Variants in PLB1 observed in about 807,000 individuals in gnomAD.
PLB1 encodes the protein phospholipase B1.
A neutral mutation model predicts 227.4 loss-of-function variants in PLB1; 242 were observed. The observed-to-expected ratio is 1.06, with a 90% CI of 0.96 to 1.18. The LOEUF is 1.18. Among genes scored for constraint, PLB1 ranks in the 50% most tolerant of loss-of-function variants. The pLI, the probability that PLB1 is intolerant of heterozygous loss-of-function variation, is 0.00. For missense variants in PLB1, 1,858 were observed against 1,816.3 expected, an observed-to-expected ratio of 1.02 and a Z score of -0.42; for synonymous variants, 757 against 682.2, an observed-to-expected ratio of 1.11 and a Z score of -1.71.
At chr2:28,605,725 G>T in intron 41 of PLB1, 128 bp from the exon 42 acceptor site, 2 of 699,054 alleles carry the variant, frequency 2.9e-6, no homozygotes, top group South Asian at 3.5e-5. Context: ...TGGGCCCTGT[G>T]GTGGCTGGTG....
rs185653797 is a variant in PLB1 at position 28,589,435 on chromosome 2, C to T, written c.1816-15C>T. On this transcript the variant is annotated splice_polypyrimidine_tract_variant and intron_variant, in intron 26 of 57. Transcript: ENST00000327757. ...GAGAGGACTGCCTGACATCTGTCCC[C>T]TTTTCCTCCTGCAGGAGAAGACCCA... The T allele has an allele frequency of 6.2e-7, 1 of 1,608,856 alleles. No homozygotes were observed. Among genetic ancestry groups the T allele is most frequent in the African/African-American group, 1.3e-5 (1 of 74,936 alleles).
intron 1 of PLB1, among the ~76,000 whole-genome samples, chr2:28,511,573 ATTGGTCT>A (rs1185149664): frequency 1.1e-4 from 16 of 152,162 alleles, no homozygotes; most frequent in Middle Eastern, 3.4e-3. Context: ...TGATCTTAAT[ATTGGTCT>A]CCTGTACTCG....
At chr2:28,622,953 C>T (rs560123863) in intron 49 of PLB1, among the ~76,000 whole-genome samples, 19 of 152,256 alleles carry the variant, frequency 1.2e-4, no homozygotes, top group African/African-American at 3.6e-4. Flanking sequence ...TCCCTGGCCA[C>T]GAAGAGCTTG....
At chr2:28,530,111 G>A (rs913144888) in intron 8 of PLB1, among the ~76,000 whole-genome samples, 7 of 151,980 alleles carry the variant, frequency 4.6e-5, no homozygotes, top group African/African-American at 1.5e-4. Context: ...TGCCCGCCTC[G>A]GCCTCCTAAA....
At chr2:28,577,285 C>T (rs965427783) in intron 21 of PLB1, among the ~76,000 whole-genome samples, 1 of 152,170 alleles carries the variant, frequency 6.6e-6, no homozygotes, top group African/African-American at 2.4e-5. Context: ...GTGATCTTGT[C>T]TCCATTTTGT....
At chr2:28,549,553 C>T (rs563238817) in intron 15 of PLB1, among the ~76,000 whole-genome samples, 5 of 151,266 alleles carry the variant, frequency 3.3e-5, no homozygotes, top group Admixed American at 3.3e-4. Context: ...GTGGCTGGGA[C>T]TACAGGCACG....
rs1446869356 is a variant in PLB1, at chr2:28,563,093, T to C, written c.1200T>C (p.Ser400=). ...ACGTAATTGGAGCCCTGGGTGACTC[T>C]CTCACGGTAAGTGACCCTGATGCAG... ...DINVIGALGD[S]LTAGNGAGST... Residue 400 remains serine, a synonymous_variant, in exon 18 of 58, where the codon TCT becomes TCC. Transcript: ENST00000327757. 1 of 1,613,026 alleles carries C rather than the reference T, an allele frequency of 6.2e-7. No individual in the cohort carries two copies. The highest frequency in any genetic ancestry group is 1.3e-5 in the African/African-American group (1 of 74,996).
chr2:28,518,560 A>G (rs1572704936), intron 3 of PLB1, 28 bp downstream of exon 3: 1 of 1,572,530 alleles, frequency 6.4e-7, no homozygotes. Context: ...ATGAGCAGGA[A>G]AAGCCTGGCG....
chr2:28,500,790 T>C (rs1236121261), intron 1 of PLB1, among the ~76,000 whole-genome samples: 3 of 152,212 alleles, frequency 2.0e-5, no homozygotes, highest in African/African-American at 7.2e-5. Context: ...TTATGGACTC[T>C]TATTAATCTG....
At chr2:28,542,094 C>G (rs915685208) in intron 13 of PLB1, among the ~76,000 whole-genome samples, 1 of 149,216 alleles carries the variant, frequency 6.7e-6, no homozygotes, top group African/African-American at 2.5e-5. Flanking sequence ...GATCCTGCCA[C>G]TGCACTCCAG....
At chr2:28,634,012 G>A (rs77038731) in intron 56 of PLB1, among the ~76,000 whole-genome samples, 1 of 152,016 alleles carries the variant, frequency 6.6e-6, no homozygotes, top group East Asian at 1.9e-4. Flanking sequence ...CATCCCACTC[G>A]GCTGACTCAC....
At chr2:28,556,329 C>T (rs919217569) in intron 17 of PLB1, among the ~76,000 whole-genome samples, 1 of 152,172 alleles carries the variant, frequency 6.6e-6, no homozygotes, top group African/African-American at 2.4e-5. Flanking sequence ...ATTCTGAGTA[C>T]ACTTCAGAGC....
At chr2:28,638,352 G>A (rs910116260) in intron 56 of PLB1, among the ~76,000 whole-genome samples, 1 of 152,072 alleles carries the variant, frequency 6.6e-6, no homozygotes, top group Non-Finnish European at 1.5e-5. Flanking sequence ...AGCTTGAAGT[G>A]TCTGAGGAAC....
chr2:28,504,549 C>T (rs1667442848), intron 1 of PLB1, among the ~76,000 whole-genome samples: 1 of 152,092 alleles, frequency 6.6e-6, no homozygotes, highest in African/African-American at 2.4e-5. Context: ...TCGAGACCAG[C>T]CTGGCCAACA....
Position 28,640,950 on chromosome 2 carries a change from T to C in PLB1, c.4122T>C (p.Thr1374=). 1 of 1,613,858 alleles carries C rather than the reference T, an allele frequency of 6.2e-7. No individual in the cohort carries two copies. The change falls in exon 57 of 58, where the codon ACT becomes ACC. Residue 1374 remains threonine, a synonymous_variant. Coordinates refer to ENST00000327757, the MANE Select transcript of PLB1 (RefSeq NM_153021.5). ...NNMLEPVGRK[T]TSNNFTHSRA... ...AGCTGGAACCAGTGGGCCGCAAGAC[T>C]ACCTCCAACAACTTCACCCACAGCC...
intron 4 of PLB1, 97 bp from the exon 5 acceptor site, chr2:28,525,170 G>T: frequency 8.8e-7 from 1 of 1,134,066 alleles, no homozygotes; most frequent in Non-Finnish European, 1.3e-6. Context: ...CCCTCTTACT[G>T]GCAGGAGGGG....
chr2:28,604,198 C>A, intron 40 of PLB1, 151 bp downstream of exon 40: 1 of 713,444 alleles, frequency 1.4e-6, no homozygotes. Flanking sequence ...TCCTCTGTCT[C>A]ACGTGACTGT....
intron 43 of PLB1, among the ~76,000 whole-genome samples, chr2:28,609,347 G>A (rs774191857): frequency 7.9e-5 from 12 of 151,760 alleles, no homozygotes; most frequent in Admixed American, 6.6e-5. Context: ...CTCCTTTCCC[G>A]AACTCCAATC....
At chr2:28,557,742 A>C in intron 17 of PLB1, among the ~76,000 whole-genome samples, 1 of 152,232 alleles carries the variant, frequency 6.6e-6, no homozygotes, top group African/African-American at 2.4e-5. Context: ...ATGTTTAGCT[A>C]ATCAGCCCAC....
Sources: gnomAD v4.1 joint callset for allele counts (sites outside exome capture counted in the v4.1 genomes callset) on GRCh38, gnomAD v4.1.1 for gene constraint, MANE v1.5 for transcripts, NCBI Gene and HGNC (gene_info 2026-07-23, HGNC 2026-07-21) for gene names.